Variants in FBXO15 observed in about 807,000 individuals in gnomAD.
FBXO15 encodes the protein F-box protein 15, also known as F-box only protein 15.
In FBXO15, 30 loss-of-function variants were observed where a neutral mutation model predicts 49.5. That is an observed-to-expected ratio of 0.61 (90% CI 0.45 to 0.82). The LOEUF (loss-of-function observed/expected upper bound fraction) is 0.82, where lower values mean the gene tolerates loss of function less well. Among genes scored for constraint, FBXO15 ranks in the 40% least tolerant of loss-of-function variants. FBXO15 has a pLI of 0.00. For missense variants in FBXO15, 591 were observed against 631.5 expected, an observed-to-expected ratio of 0.94 and a Z score of 0.69; for synonymous variants, 250 against 232.7, an observed-to-expected ratio of 1.07 and a Z score of -0.68.
Position 74,126,024 on chromosome 18 carries a change from A to C in FBXO15, c.863T>G (p.Leu288Arg). 1 of 1,614,128 alleles carries C rather than the reference A, an allele frequency of 6.2e-7. No homozygotes were observed. ...TISTMIGCDR[L>R]IRIFCLHPGL... Reference sequence around the variant, plus strand: ...AGGGTGCAGGCAGAAGATCCGAATGAGTCTGTCACAGCCAATCATGGTAGA... The same window carrying C: ...AGGGTGCAGGCAGAAGATCCGAATGCGTCTGTCACAGCCAATCATGGTAGA... The change falls in exon 6 of 10, where the codon CTC (leucine) becomes CGC (arginine). Residue 288 changes from leucine to arginine, a missense_variant. Physicochemically the swap from Leu to Arg is moderately radical, Grantham distance 102 (BLOSUM62 -2). Transcript: ENST00000419743.
At chr18:74,081,875 T>A (rs1912512035) in intron 9 of FBXO15, 52 bp downstream of exon 9, 2 of 1,294,870 alleles carry the variant, frequency 1.5e-6, no homozygotes, top group Admixed American at 4.7e-5. Context: ...ACAGACTTTT[T>A]ATTATATAGA....
intron 1 of FBXO15, among the ~76,000 whole-genome samples, chr18:74,145,710 G>C (rs1170091180): frequency 2.1e-5 from 3 of 145,082 alleles, no homozygotes; most frequent in African/African-American, 7.8e-5. Context: ...CCATTCTCCT[G>C]CCTCAGCCTC....
intron 8 of FBXO15, among the ~76,000 whole-genome samples, chr18:74,110,563 G>A (rs1015899548): frequency 4.6e-5 from 7 of 151,680 alleles, no homozygotes; most frequent in East Asian, 3.9e-4. Context: ...CAACTATATC[G>A]ATAATAACTT....
At chr18:74,091,549 CT>C (rs1913027084) in intron 8 of FBXO15, among the ~76,000 whole-genome samples, 1 of 152,206 alleles carries the variant, frequency 6.6e-6, no homozygotes, top group Non-Finnish European at 1.5e-5. Context: ...ATGTTTACAA[CT>C]ACCTTGAGGA....
At chr18:74,123,111 A>G in intron 8 of FBXO15, 1 of 367,468 alleles carries the variant, frequency 2.7e-6, no homozygotes, top group South Asian at 6.5e-5. Flanking sequence ...AAGCATCAGT[A>G]GAGAAGATGA....
chr18:74,135,069 C>T (rs1389696380), intron 3 of FBXO15, among the ~76,000 whole-genome samples: 1 of 152,136 alleles, frequency 6.6e-6, no homozygotes, highest in Non-Finnish European at 1.5e-5. Context: ...AGGATTCCAC[C>T]ATCTCTCCCT....
intron 1 of FBXO15, among the ~76,000 whole-genome samples, chr18:74,145,892 C>T (rs1979382840): frequency 6.6e-6 from 1 of 152,178 alleles, no homozygotes; most frequent in Non-Finnish European, 1.5e-5. Context: ...GCCACTGCAC[C>T]CGGCCCCAAT....
chr18:74,137,206 C>T (rs1007927322), intron 2 of FBXO15, among the ~76,000 whole-genome samples: 4 of 126,776 alleles, frequency 3.2e-5, no homozygotes, highest in African/African-American at 1.0e-4. Context: ...AAAATAAAAC[C>T]CCTCCCATTC....
intron 8 of FBXO15, chr18:74,098,627 GA>G (rs1913384729): frequency 6.6e-6 from 1 of 152,142 alleles, no homozygotes; most frequent in South Asian, 2.1e-4. Context: ...TATGTTAAAT[GA>G]CCAAACCTAA....
chr18:74,132,688 G>A (rs905274357), intron 3 of FBXO15, among the ~76,000 whole-genome samples: 4 of 152,146 alleles, frequency 2.6e-5, no homozygotes, highest in African/African-American at 9.7e-5. Context: ...CTGTTAGAAG[G>A]CCTAGTCAGA....
intron 3 of FBXO15, among the ~76,000 whole-genome samples, chr18:74,133,499 A>G (rs1191996472): frequency 6.6e-6 from 1 of 152,168 alleles, no homozygotes; most frequent in Non-Finnish European, 1.5e-5. Context: ...CTAGTTTTAG[A>G]TATTTGGTTG....
intron 8 of FBXO15, among the ~76,000 whole-genome samples, chr18:74,084,781 A>C (rs1186019167): frequency 6.6e-6 from 1 of 152,170 alleles, no homozygotes; most frequent in Non-Finnish European, 1.5e-5. Flanking sequence ...AACCCTGCTC[A>C]GCCATTTATT....
chr18:74,131,101 T>C (rs898497841), intron 3 of FBXO15, among the ~76,000 whole-genome samples: 5 of 152,298 alleles, frequency 3.3e-5, no homozygotes, highest in Admixed American at 2.0e-4. Flanking sequence ...AACAATGGAA[T>C]TGAACACTCT....
chr18:74,090,623 C>A (rs1003543852), intron 8 of FBXO15, among the ~76,000 whole-genome samples: 1 of 152,168 alleles, frequency 6.6e-6, no homozygotes, highest in African/African-American at 2.4e-5. Context: ...TCATTAGTTT[C>A]AAATAATTTC....
In FBXO15 at chr18:74,129,550, G is replaced by T. The variant is rs1234281924; in HGVS notation, c.640C>A (p.His214Asn). 1 of 1,612,772 alleles carries T rather than the reference G, an allele frequency of 6.2e-7. No homozygotes were observed. The highest frequency in any genetic ancestry group is 8.5e-7 in the Non-Finnish European group (1 of 1,179,864). The stretch of plus-strand genomic sequence containing the variant: ...GTGTCATTTATGGAAAGATCAACAT[G>T]CTCCATGATATATTCTTTTCCACCT... ...EKGGKEYIME[H>N]VDLSINDTSV... Residue 214 changes from histidine to asparagine, a missense_variant, in exon 5 of 10, where the codon CAT becomes AAT. Physicochemically the swap from His to Asn is moderately conservative, Grantham distance 68 (BLOSUM62 1). Transcript: ENST00000419743.
chr18:74,138,308 A>C (rs1978847961), intron 2 of FBXO15, among the ~76,000 whole-genome samples: 1 of 152,160 alleles, frequency 6.6e-6, no homozygotes, highest in African/African-American at 2.4e-5. Flanking sequence ...TAGGAAAATG[A>C]GCGGCCAGCC....
intron 8 of FBXO15, among the ~76,000 whole-genome samples, chr18:74,115,171 G>A (rs1409516332): frequency 6.6e-6 from 1 of 152,168 alleles, no homozygotes; most frequent in Non-Finnish European, 1.5e-5. Context: ...GAGCCCGCTG[G>A]AGACATGTCA....
At chr18:74,124,314 T>C (rs1480308611) in intron 7 of FBXO15, among the ~76,000 whole-genome samples, 175 bp downstream of exon 7, 1 of 152,236 alleles carries the variant, frequency 6.6e-6, no homozygotes, top group African/African-American at 2.4e-5. Context: ...AGCAAATATG[T>C]ACTCGTGAAT....
At position 74,082,707 on chromosome 18, in the gene FBXO15, C is replaced by T. The variant is rs184243786; in HGVS notation, c.1139-656G>A. Among the ~76,000 whole-genome samples, 892 of 152,278 alleles carry T rather than the reference C, an allele frequency of 5.9e-3. 12 individuals carry two copies. The highest frequency in any genetic ancestry group is 0.02 in the African/African-American group (845 of 41,556). ...TGTGGCAGGGAGAGCCGCAGCACCA[C>T]TCGGTCTCACACAGACACAAGCTTC... is the stretch of plus-strand genomic sequence containing the variant. On this transcript the variant is annotated intron_variant, in intron 8 of 9. Coordinates refer to ENST00000419743, the MANE Select transcript of FBXO15 (RefSeq NM_001142958.2).
Sources: allele counts gnomAD v4.1 joint callset (sites outside exome capture counted in the v4.1 genomes callset), GRCh38; gene constraint gnomAD v4.1.1; transcripts MANE v1.5; gene names NCBI Gene and HGNC (gene_info 2026-07-23, HGNC 2026-07-21).